The following MYPN variants were observed in gnomAD, a reference collection of about 807,000 sequenced individuals.
The protein encoded by MYPN is myopalladin.
MYPN carries 63 observed loss-of-function variants against 129.4 expected under a neutral mutation model. The observed-to-expected ratio is 0.49, with a 90% CI of 0.40 to 0.60. The LOEUF is 0.60. Ranked by LOEUF, MYPN falls within the 20% of genes least tolerant of loss-of-function variation. MYPN has a pLI of 0.00. For synonymous variants in MYPN, 629 were observed against 600.9 expected, an observed-to-expected ratio of 1.05 and a Z score of -0.68; for missense variants, 1,596 against 1,635.4, an observed-to-expected ratio of 0.98 and a Z score of 0.42.
chr10:68,180,466 G>A (rs550864878), intron 12 of MYPN, among the ~76,000 whole-genome samples: 3 of 152,324 alleles, frequency 2.0e-5, no homozygotes, highest in East Asian at 3.9e-4. Context: ...GATTACAGGC[G>A]TGGGCCACTG....
At chr10:68,179,363 C>T (rs2043278876) in intron 12 of MYPN, among the ~76,000 whole-genome samples, 1 of 152,190 alleles carries the variant, frequency 6.6e-6, no homozygotes, top group African/African-American at 2.4e-5. Context: ...ACACAGAATG[C>T]ACCAGTCAGG....
At chr10:68,104,524 C>T (rs1055048941), upstream of MYPN, among the ~76,000 whole-genome samples, 4 of 152,198 alleles carry the variant, frequency 2.6e-5, no homozygotes, top group African/African-American at 9.7e-5. Flanking sequence ...AGCATTCTGA[C>T]TGCTTCCAAT....
In MYPN at chr10:68,141,297, G is replaced by T. The variant is rs192851764; in HGVS notation, c.903-1643G>T. 3.0e-4 allele frequency among the ~76,000 whole-genome samples: 46 copies of T among 151,878 alleles called. 1 individual carries two copies. The highest frequency in any genetic ancestry group is 1.1e-3 in the African/African-American group (44 of 41,408). On this transcript the variant is annotated intron_variant, in intron 2 of 19. Coordinates refer to ENST00000358913, the MANE Select transcript of MYPN (RefSeq NM_032578.4). ...GGCAGGAGAATTGCTTGAACCCGGG[G>T]GGCAGAGGTTGCAGTGAGTGGAGAT...
At chr10:68,197,331 T>C in intron 15 of MYPN, 21 bp from the exon 16 acceptor site, 1 of 1,611,952 alleles carries the variant, frequency 6.2e-7, no homozygotes, top group African/African-American at 1.3e-5. Flanking sequence ...GTTTAATATC[T>C]GAACATGCTT....
chr10:68,180,210 T>C (rs1414921692), intron 12 of MYPN, among the ~76,000 whole-genome samples: 1 of 151,228 alleles, frequency 6.6e-6, no homozygotes, highest in Non-Finnish European at 1.5e-5. Context: ...AACCTCCAAG[T>C]TTCTGTCACC....
At chr10:68,098,689 A>AC (rs2041968448) in intron 1 of MYPN, among the ~76,000 whole-genome samples, 1 of 152,024 alleles carries the variant, frequency 6.6e-6, no homozygotes, top group Non-Finnish European at 1.5e-5. Context: ...TTAAAAATAC[A>AC]AAAATTAGCC....
chr10:68,100,756 C>T (rs1325039106), intron 1 of MYPN, among the ~76,000 whole-genome samples: 1 of 152,098 alleles, frequency 6.6e-6, no homozygotes, highest in Non-Finnish European at 1.5e-5. Context: ...CAAGAATTCC[C>T]CTATACCAAT....
chr10:68,127,092 C>T (rs939571024), intron 2 of MYPN, among the ~76,000 whole-genome samples: 1 of 151,838 alleles, frequency 6.6e-6, no homozygotes, highest in Non-Finnish European at 1.5e-5. Flanking sequence ...TCAAGCAATT[C>T]CCCTGCCTCC....
At position 68,174,334 on chromosome 10, in the gene MYPN, A is replaced by G. The variant is rs113317714; in HGVS notation, c.2242A>G (p.Ser748Gly). The change falls in exon 11 of 20, where the codon AGC (serine) becomes GGC (glycine). Residue 748 changes from serine to glycine, a missense_variant. By Grantham distance (56) the Ser-to-Gly change is moderately conservative. Transcript: ENST00000358913. Reference protein sequence around the residue: ...APSSSPVFTLSSTPQTIQRTV... With the variant: ...APSSSPVFTLGSTPQTIQRTV... ...TTCCAGCTCTCCGGTGTTCACTTTG[A>G]GCAGCACTCCTCAAACTATTCAGAG... 1.2e-6 allele frequency: 2 copies of G among 1,614,042 alleles called. No individual in the cohort carries two copies. The highest frequency in any genetic ancestry group is 1.6e-4 in the Middle Eastern group (1 of 6,062).
chr10:68,092,077 G>C (rs1589508755), intron 1 of MYPN, among the ~76,000 whole-genome samples: 1 of 151,832 alleles, frequency 6.6e-6, no homozygotes, highest in East Asian at 1.9e-4. Flanking sequence ...GCACAGCTCT[G>C]TCTCTAAAAA....
chr10:68,173,305 TCA>T (rs1425697596), intron 10 of MYPN, among the ~76,000 whole-genome samples: 2 of 152,176 alleles, frequency 1.3e-5, no homozygotes, highest in African/African-American at 4.8e-5. Context: ...TTTCAGTAAC[TCA>T]CACTGGCATG....
chr10:68,116,549 A>C (rs1021339823), intron 1 of MYPN, among the ~76,000 whole-genome samples: 3 of 152,202 alleles, frequency 2.0e-5, no homozygotes, highest in Non-Finnish European at 4.4e-5. Context: ...CAGCCTGGTC[A>C]ACATGGTGAA....
Position 68,188,964 on chromosome 10 carries a change from A to G in MYPN, c.2763A>G (p.Glu921=). 2 of 1,614,130 alleles carry G rather than the reference A, an allele frequency of 1.2e-6. No individual in the cohort carries two copies. Among genetic ancestry groups the G allele is most frequent in the Non-Finnish European group, 1.7e-6 (2 of 1,180,032 alleles). ...RLMNEIEFRL[E]RTPVDESDDE... ...TGAATGAAATAGAGTTTCGCTTGGA[A>G]CGTACTCCTGTTGATGAATCAGATG... Residue 921 remains glutamate (E), a synonymous_variant, in exon 13 of 20, where the codon GAA becomes GAG. Coordinates refer to ENST00000358913, the MANE Select transcript of MYPN (RefSeq NM_032578.4).
At chr10:68,113,191 A>G (rs908584626) in intron 1 of MYPN, among the ~76,000 whole-genome samples, 1 of 152,242 alleles carries the variant, frequency 6.6e-6, no homozygotes, top group Non-Finnish European at 1.5e-5. Context: ...AAACAGACCT[A>G]TGAAATGAGT....
chr10:68,148,277 T>C, intron 4 of MYPN, 76 bp from the exon 5 acceptor site: 1 of 1,160,306 alleles, frequency 8.6e-7, no homozygotes, highest in Non-Finnish European at 1.3e-6. Context: ...AGTGATGCCA[T>C]TACTAGTTTT....
chr10:68,130,396 G>T (rs2042391548), intron 2 of MYPN, among the ~76,000 whole-genome samples: 1 of 150,886 alleles, frequency 6.6e-6, no homozygotes, highest in African/African-American at 2.4e-5. Context: ...GGAGATGGAG[G>T]TTACAGTGAG....
rs779611735 is a variant in MYPN, at chr10:68,165,718, G to A, written c.1500G>A (p.Leu500=). 3 of 1,614,002 alleles carry A rather than the reference G, an allele frequency of 1.9e-6. No homozygotes were observed. The highest frequency in any genetic ancestry group is 2.5e-6 in the Non-Finnish European group (3 of 1,179,890). Residue 500 remains leucine (L), a synonymous_variant, in exon 9 of 20, where the codon TTG becomes TTA. Coordinates refer to ENST00000358913, the MANE Select transcript of MYPN (RefSeq NM_032578.4). ...SMAEPEEICT[L]VIAEVFAEDS... The stretch of plus-strand genomic sequence containing the variant: ...GGCATATAGAGGAGATTTGCACCTT[G>A]GTCATTGCTGAGGTGTTTGCAGAAG...
At chr10:68,106,827 C>G (rs1201547829), upstream of MYPN, 87 of 716,666 alleles carry the variant, frequency 1.2e-4, no homozygotes, top group East Asian at 2.3e-3. Flanking sequence ...CTGTGGCTGA[C>G]TGACTGAATT....
At chr10:68,205,373 T>A (rs896703160) in intron 18 of MYPN, among the ~76,000 whole-genome samples, 6 of 152,056 alleles carry the variant, frequency 3.9e-5, no homozygotes, top group Admixed American at 6.6e-5. Flanking sequence ...AACTTAGGGA[T>A]CCTTCTAGAG....
Sources: gnomAD v4.1 joint callset for allele counts (sites outside exome capture counted in the v4.1 genomes callset) on GRCh38, gnomAD v4.1.1 for gene constraint, MANE v1.5 for transcripts, NCBI Gene and HGNC (gene_info 2026-07-23, HGNC 2026-07-21) for gene names.